Variants in SEZ6L observed in about 807,000 individuals in gnomAD.
The protein encoded by SEZ6L is seizure 6-like protein.
Under a neutral mutation model 106.2 loss-of-function variants are expected in SEZ6L, and 37 were observed. That is an observed-to-expected ratio of 0.35 (90% CI 0.27 to 0.46). The LOEUF (loss-of-function observed/expected upper bound fraction) is 0.46. Among genes scored for constraint, SEZ6L ranks in the 20% least tolerant of loss-of-function variants. SEZ6L has a pLI of 1.00. For synonymous variants in SEZ6L, 541 were observed against 570.4 expected (o/e 0.95, Z 0.73); for missense variants, 1,172 against 1,332.8 (o/e 0.88, Z 1.88).
chr22:26,315,882 A>AC (rs1456008410), intron 9 of SEZ6L, among the ~76,000 whole-genome samples: 4 of 151,712 alleles, frequency 2.6e-5, no homozygotes, highest in South Asian at 2.1e-4. Context: ...ACATAGTGAG[A>AC]CCCCATCTTT....
chr22:26,287,775 C>A (rs1438284358), intron 1 of SEZ6L, among the ~76,000 whole-genome samples: 4 of 152,192 alleles, frequency 2.6e-5, no homozygotes, highest in Non-Finnish European at 1.5e-5. Context: ...ATGTTGCAGA[C>A]CACAGATGCA....
chr22:26,338,716 C>T (rs1213155564), intron 9 of SEZ6L, among the ~76,000 whole-genome samples: 3 of 152,142 alleles, frequency 2.0e-5, no homozygotes, highest in Non-Finnish European at 4.4e-5. Flanking sequence ...TCTGCCACCA[C>T]GCCCAGCTAA....
intron 1 of SEZ6L, among the ~76,000 whole-genome samples, chr22:26,186,313 A>G (rs1939775612): frequency 6.6e-6 from 1 of 152,222 alleles, no homozygotes; most frequent in Admixed American, 6.5e-5. Context: ...AAGTTAAGAG[A>G]AAGTATTAAA....
intron 10 of SEZ6L, among the ~76,000 whole-genome samples, chr22:26,343,570 A>T (rs1342176579): frequency 1.3e-5 from 2 of 152,206 alleles, no homozygotes; most frequent in Admixed American, 6.5e-5. Context: ...AAATCCCTTG[A>T]CACCTCCTAT....
rs999441758 is a variant in SEZ6L, at chr22:26,349,815, CT to C, written c.2408-1229del. Among the ~76,000 whole-genome samples, 4 of 152,132 alleles carry C rather than the reference CT, an allele frequency of 2.6e-5. No individual in the cohort carries two copies. In the South Asian group the frequency reaches 8.3e-4, roughly 32 times the overall value. On this transcript the variant is annotated intron_variant, in intron 11 of 16. Transcript: ENST00000248933. ...CATTCTTACAAACTTCCTGCATCTG[CT>C]TTTTTTTCAGCTCAGAAATGTGGAT...
At chr22:26,327,601 T>A (rs113597491) in intron 9 of SEZ6L, among the ~76,000 whole-genome samples, 6 of 126,048 alleles carry the variant, frequency 4.8e-5, no homozygotes, top group Non-Finnish European at 8.2e-5. Context: ...ATGCCACACA[T>A]GCCACACACA....
chr22:26,336,799 T>G (rs188435681), intron 9 of SEZ6L, among the ~76,000 whole-genome samples: 1 of 152,110 alleles, frequency 6.6e-6, no homozygotes, highest in African/African-American at 2.4e-5. Flanking sequence ...CCCACCTAGT[T>G]AGGAAAAATA....
At chr22:26,215,122 C>T (rs947507747) in intron 1 of SEZ6L, among the ~76,000 whole-genome samples, 1 of 152,108 alleles carries the variant, frequency 6.6e-6, no homozygotes, top group African/African-American at 2.4e-5. Flanking sequence ...AAGCGAAGAC[C>T]GAATTACATG....
chr22:26,211,918 CCCA>C (rs1389324177), intron 1 of SEZ6L, among the ~76,000 whole-genome samples: 2 of 151,416 alleles, frequency 1.3e-5, no homozygotes, highest in Non-Finnish European at 2.9e-5. Context: ...AAAATTCATG[CCCA>C]CCCAAAATAA....
At chr22:26,203,713 A>G (rs982297632) in intron 1 of SEZ6L, among the ~76,000 whole-genome samples, 2 of 152,174 alleles carry the variant, frequency 1.3e-5, no homozygotes, top group East Asian at 3.8e-4. Flanking sequence ...ACTGACGTTC[A>G]GAGAGGTGTT....
At chr22:26,255,309 G>A (rs1257882883) in intron 1 of SEZ6L, among the ~76,000 whole-genome samples, 1 of 152,174 alleles carries the variant, frequency 6.6e-6, no homozygotes, top group Non-Finnish European at 1.5e-5. Flanking sequence ...TCGGGAGCCT[G>A]GTTAATGCTT....
At chr22:26,284,642 C>T (rs923830620) in intron 1 of SEZ6L, among the ~76,000 whole-genome samples, 2 of 136,780 alleles carry the variant, frequency 1.5e-5, no homozygotes, top group Admixed American at 7.5e-5. Context: ...ACCCTAATGA[C>T]GGTTTAAACA....
intron 1 of SEZ6L, among the ~76,000 whole-genome samples, chr22:26,200,142 A>G (rs1290112322): frequency 1.3e-5 from 2 of 152,172 alleles, no homozygotes; most frequent in African/African-American, 4.8e-5. Flanking sequence ...CCCTGCCTCA[A>G]ACAACTTCCT....
chr22:26,179,880 C>G (rs1939273230), intron 1 of SEZ6L, among the ~76,000 whole-genome samples: 1 of 152,132 alleles, frequency 6.6e-6, no homozygotes, highest in Non-Finnish European at 1.5e-5. Context: ...TGTGCACTCT[C>G]TAATATGGTA....
In SEZ6L at chr22:26,374,077, A is replaced by G. The variant is rs139707761; in HGVS notation, c.2827+594A>G. Reference sequence around the variant, plus strand: ...CATTTTGTGGTTCCTTCCCTTTCCAACCCCTCCCGTGTGTAAAATGTCCAG... The same window carrying G: ...CATTTTGTGGTTCCTTCCCTTTCCAGCCCCTCCCGTGTGTAAAATGTCCAG... On this transcript the variant is annotated intron_variant, in intron 14 of 16. Coordinates refer to ENST00000248933, the MANE Select transcript of SEZ6L (RefSeq NM_021115.5). 6.2e-3 allele frequency among the ~76,000 whole-genome samples: 933 copies of G among 151,656 alleles called. 8 individuals carry two copies. Among genetic ancestry groups the G allele is most frequent in the African/African-American group, 0.022 (903 of 41,322 alleles).
At chr22:26,221,694 C>T (rs1333178507) in intron 1 of SEZ6L, among the ~76,000 whole-genome samples, 2 of 152,098 alleles carry the variant, frequency 1.3e-5, no homozygotes, top group African/African-American at 4.8e-5. Flanking sequence ...CACCATCTCT[C>T]GTACCTGGTG....
chr22:26,177,076 T>C (rs1939057692), intron 1 of SEZ6L, among the ~76,000 whole-genome samples: 1 of 152,206 alleles, frequency 6.6e-6, no homozygotes, highest in Admixed American at 6.5e-5. Flanking sequence ...TTATGTTAAA[T>C]GACTTTTCCT....
intron 1 of SEZ6L, chr22:26,244,315 T>C (rs1161719803): frequency 2.0e-5 from 3 of 152,366 alleles, no homozygotes; most frequent in Admixed American, 6.5e-5. Flanking sequence ...TGCCCTGTTA[T>C]GTGAATGACT....
At chr22:26,319,572 G>T (rs2082098223) in intron 9 of SEZ6L, among the ~76,000 whole-genome samples, 1 of 152,134 alleles carries the variant, frequency 6.6e-6, no homozygotes, top group Non-Finnish European at 1.5e-5. Flanking sequence ...TTGCACTGCT[G>T]TCTCCCCTGC....
Sources: gnomAD v4.1 joint callset for allele counts (sites outside exome capture counted in the v4.1 genomes callset) on GRCh38, gnomAD v4.1.1 for gene constraint, MANE v1.5 for transcripts, NCBI Gene and HGNC (gene_info 2026-07-23, HGNC 2026-07-21) for gene names.